GRID2: variants seen among roughly 807,000 people sequenced by gnomAD.
GRID2 encodes glutamate ionotropic receptor delta type subunit 2, also known as glutamate receptor ionotropic, delta-2.
A neutral mutation model predicts 114.8 loss-of-function variants in GRID2; 33 were observed. The observed-to-expected ratio is 0.29, with a 90% confidence interval of 0.22 to 0.38. The LOEUF (loss-of-function observed/expected upper bound fraction) is 0.38, where lower values mean the gene tolerates loss of function less well. Ranked by LOEUF, GRID2 falls within the 10% of genes least tolerant of loss-of-function variation. The pLI is 1.00. For missense variants in GRID2, 1,184 were observed against 1,257.7 expected (o/e 0.94, Z 0.89); for synonymous variants, 505 against 449.9 (o/e 1.12, Z -1.55).
chr4:92,836,797 G>T (rs1261302090), intron 2 of GRID2, among the ~76,000 whole-genome samples: 2 of 151,896 alleles, frequency 1.3e-5, no homozygotes, highest in African/African-American at 4.8e-5. Flanking sequence ...TTTAGTATTT[G>T]GTAAACCACA....
rs573327704 is a variant in GRID2, at chr4:93,149,983, A to G, written c.735+39030A>G. On this transcript the variant is annotated intron_variant, in intron 4 of 15. Coordinates refer to ENST00000282020, the MANE Select transcript of GRID2 (RefSeq NM_001510.4). Reference sequence around the variant, plus strand: ...ACAAAGATAGTCTTCAAATATTGAAATCTTATCAAGAGAAGTATCCATTGG... The same window carrying G: ...ACAAAGATAGTCTTCAAATATTGAAGTCTTATCAAGAGAAGTATCCATTGG... Among the ~76,000 whole-genome samples, 20 of 152,214 alleles carry G rather than the reference A, an allele frequency of 1.3e-4. No individual in the cohort carries two copies. The South Asian group carries it at 4.1e-3, about 32-fold the overall frequency.
At chr4:93,068,324 TGTAAA>T (rs1035307928) in intron 2 of GRID2, among the ~76,000 whole-genome samples, 5 of 152,066 alleles carry the variant, frequency 3.3e-5, no homozygotes, top group Non-Finnish European at 5.9e-5. Context: ...TACAAGTATG[TGTAAA>T]GTAAAGAGTG....
chr4:93,111,751 C>T (rs374668771), intron 4 of GRID2, among the ~76,000 whole-genome samples: 11 of 131,414 alleles, frequency 8.4e-5, no homozygotes, highest in South Asian at 4.9e-4. Context: ...TTGTTTAATA[C>T]TTTTTTTTTT....
chr4:93,683,455 C>A (rs747364517), intron 14 of GRID2, among the ~76,000 whole-genome samples: 2 of 151,988 alleles, frequency 1.3e-5, no homozygotes, highest in Non-Finnish European at 2.9e-5. Flanking sequence ...CAAAATATTC[C>A]TATACTCTGC....
chr4:93,632,509 C>T (rs1400412749), intron 14 of GRID2, among the ~76,000 whole-genome samples: 3 of 152,092 alleles, frequency 2.0e-5, no homozygotes, highest in African/African-American at 7.2e-5. Context: ...TCAGGTTTGT[C>T]AAAGATCAGC....
intron 8 of GRID2, among the ~76,000 whole-genome samples, chr4:93,238,815 T>G (rs1237504683): frequency 6.6e-6 from 1 of 151,670 alleles, no homozygotes; most frequent in Non-Finnish European, 1.5e-5. Context: ...TGTAGCTGCT[T>G]GGTTTTTAAC....
chr4:92,784,913 A>G (rs1275771785), intron 2 of GRID2, among the ~76,000 whole-genome samples: 1 of 151,814 alleles, frequency 6.6e-6, no homozygotes, highest in Non-Finnish European at 1.5e-5. Context: ...GTTTAAAGTC[A>G]TTTGCTTTGT....
intron 2 of GRID2, among the ~76,000 whole-genome samples, chr4:92,982,435 A>T (rs2149189708): frequency 6.6e-6 from 1 of 152,202 alleles, no homozygotes; most frequent in Admixed American, 6.5e-5. Context: ...TGAGTGATTA[A>T]AAATTACTCA....
At chr4:92,989,415 A>G (rs1055065022) in intron 2 of GRID2, among the ~76,000 whole-genome samples, 2 of 151,952 alleles carry the variant, frequency 1.3e-5, no homozygotes, top group Non-Finnish European at 2.9e-5. Flanking sequence ...ATTCCACAAA[A>G]TAGAATGAGA....
chr4:92,688,641 A>G (rs1364228013), intron 2 of GRID2, among the ~76,000 whole-genome samples: 4 of 152,136 alleles, frequency 2.6e-5, no homozygotes, highest in South Asian at 2.1e-4. Flanking sequence ...GTTCACTTCT[A>G]ATTTTACTTC....
At chr4:93,742,887 T>G (rs1731538719) in intron 14 of GRID2, among the ~76,000 whole-genome samples, 1 of 152,178 alleles carries the variant, frequency 6.6e-6, no homozygotes, top group Non-Finnish European at 1.5e-5. Flanking sequence ...AAAAAGAGTC[T>G]CTTTCATTTG....
chr4:92,962,539 C>T (rs900820278), intron 2 of GRID2, among the ~76,000 whole-genome samples: 4 of 151,906 alleles, frequency 2.6e-5, no homozygotes, highest in East Asian at 1.9e-4. Flanking sequence ...CATGTAGACT[C>T]GAATTAACCC....
intron 11 of GRID2, among the ~76,000 whole-genome samples, chr4:93,475,693 T>C (rs1311550033): frequency 6.6e-6 from 1 of 152,154 alleles, no homozygotes; most frequent in Non-Finnish European, 1.5e-5. Flanking sequence ...CATTTCACTT[T>C]GATTCCTGTT....
At chr4:92,501,246 C>CA (rs1280802284) in intron 1 of GRID2, among the ~76,000 whole-genome samples, 1 of 152,112 alleles carries the variant, frequency 6.6e-6, no homozygotes, top group African/African-American at 2.4e-5. Flanking sequence ...TATTGTGTGG[C>CA]AAGGAATAAA....
chr4:92,739,903 A>C (rs1266214770), intron 2 of GRID2, among the ~76,000 whole-genome samples: 1 of 152,144 alleles, frequency 6.6e-6, no homozygotes, highest in African/African-American at 2.4e-5. Flanking sequence ...AGAATAATCA[A>C]TCCAATTAAG....
At chr4:92,865,362 C>A (rs964308191) in intron 2 of GRID2, among the ~76,000 whole-genome samples, 4 of 152,052 alleles carry the variant, frequency 2.6e-5, no homozygotes, top group Admixed American at 1.3e-4. Context: ...AATACAAGGT[C>A]TTTTTTACTA....
chr4:93,111,670 A>G (rs1483761885), intron 4 of GRID2, among the ~76,000 whole-genome samples: 2 of 151,782 alleles, frequency 1.3e-5, no homozygotes, highest in Non-Finnish European at 2.9e-5. Context: ...TAGTGATAGA[A>G]CTGTTCATGA....
chr4:93,240,563 A>G (rs1442138591), intron 8 of GRID2, among the ~76,000 whole-genome samples: 1 of 150,324 alleles, frequency 6.7e-6, no homozygotes, highest in Non-Finnish European at 1.5e-5. Flanking sequence ...TTCTCTGTGG[A>G]TTTTATTTCA....
intron 2 of GRID2, among the ~76,000 whole-genome samples, chr4:92,770,103 T>C (rs1738467533): frequency 6.6e-6 from 1 of 152,200 alleles, no homozygotes; most frequent in Non-Finnish European, 1.5e-5. Context: ...CTTGAATGCT[T>C]CGTTGCTTAG....
Sources: gnomAD v4.1 joint callset for allele counts (sites outside exome capture counted in the v4.1 genomes callset) on GRCh38, gnomAD v4.1.1 for gene constraint, MANE v1.5 for transcripts, NCBI Gene and HGNC (gene_info 2026-07-23, HGNC 2026-07-21) for gene names.